The following LRMDA variants were observed in gnomAD, a reference collection of about 807,000 sequenced individuals.
LRMDA encodes the protein leucine-rich melanocyte differentiation-associated protein.
Under a neutral mutation model 29.8 loss-of-function variants are expected in LRMDA, and 18 were observed. The observed-to-expected ratio is 0.60, with a 90% CI of 0.42 to 0.90. The LOEUF (loss-of-function observed/expected upper bound fraction) is 0.90. Among genes scored for constraint, LRMDA ranks in the 40% least tolerant of loss-of-function variants. The pLI is 0.00. For synonymous variants in LRMDA, 125 were observed against 109.4 expected (o/e 1.14, Z -0.89); for missense variants, 273 against 273.9 (o/e 1.00, Z 0.02).
At position 75,431,783 on chromosome 10, in the gene LRMDA, CG is replaced by C; in HGVS notation, c.30+33del. 3.0e-6 allele frequency: 4 copies of C among 1,346,756 alleles called. No homozygotes were observed. In the South Asian group the frequency reaches 5.9e-5, roughly 20 times the overall value. The allele number at this position is 1,346,756 out of a possible 1,614,324, so 83.4% of individuals were successfully genotyped here. A position where few individuals can be genotyped will look rare whatever the true frequency, so the allele number is the denominator to read the frequency against. ...AGTCCCGGCCAGCCCCGCCTCCGCC[CG>C]GGGCGCAGTCCGCGTGGGGAGGGAC... On this transcript the variant is annotated intron_variant, in intron 1 of 6. Transcript: ENST00000611255.
At chr10:75,564,026 C>A in intron 2 of LRMDA, among the ~76,000 whole-genome samples, 1 of 152,202 alleles carries the variant, frequency 6.6e-6, no homozygotes, top group Non-Finnish European at 1.5e-5. Flanking sequence ...CTCAGATCTC[C>A]AGCTGCGTGC....
At chr10:75,857,961 T>C (rs1844855742) in intron 2 of LRMDA, among the ~76,000 whole-genome samples, 1 of 152,242 alleles carries the variant, frequency 6.6e-6, no homozygotes, top group Non-Finnish European at 1.5e-5. Context: ...TGGAGATTAC[T>C]ATTCCTGTTC....
intron 2 of LRMDA, among the ~76,000 whole-genome samples, chr10:75,874,912 C>A (rs1486974946): frequency 6.6e-6 from 1 of 152,234 alleles, no homozygotes; most frequent in African/African-American, 2.4e-5. Flanking sequence ...TCTATCAATT[C>A]AGTTCAGTGA....
At chr10:75,603,206 T>G (rs76262095) in intron 2 of LRMDA, among the ~76,000 whole-genome samples, 4,849 of 152,086 alleles carry the variant, frequency 0.032, 259 homozygotes, top group African/African-American at 0.11. Context: ...AGTCAGTATT[T>G]TATAAAGTGG....
At chr10:75,498,470 G>T (rs750728861) in intron 2 of LRMDA, among the ~76,000 whole-genome samples, 4 of 152,158 alleles carry the variant, frequency 2.6e-5, no homozygotes, top group Non-Finnish European at 4.4e-5. Context: ...ACGAGTGTTT[G>T]CGTGTGCATG....
chr10:75,563,943 G>A (rs1172773185), intron 2 of LRMDA, among the ~76,000 whole-genome samples: 1 of 152,224 alleles, frequency 6.6e-6, no homozygotes, highest in East Asian at 1.9e-4. Context: ...TGCCCCTACT[G>A]GAAGGTGCCT....
intron 2 of LRMDA, among the ~76,000 whole-genome samples, chr10:76,025,506 C>A (rs1848047627): frequency 6.6e-6 from 1 of 151,894 alleles, no homozygotes; most frequent in Non-Finnish European, 1.5e-5. Flanking sequence ...TCTCTGTCTC[C>A]TTCATAGATG....
chr10:75,842,605 A>C lies in LRMDA; in HGVS notation c.132-193403A>C, dbSNP rs1264582725. On this transcript the variant is annotated intron_variant, in intron 2 of 6. Coordinates refer to ENST00000611255, the MANE Select transcript of LRMDA (RefSeq NM_001305581.2). ...AAAAGAGAATTTTAAAAGACAGGAC[A>C]TATCAAAGTGCATTGCATGTGGTAT... 2.0e-5 allele frequency among the ~76,000 whole-genome samples: 3 copies of C among 152,256 alleles called. No homozygotes were observed. The East Asian group carries it at 5.8e-4, about 29-fold the overall frequency.
chr10:75,561,811 G>A (rs1840299757), intron 2 of LRMDA, among the ~76,000 whole-genome samples: 1 of 152,006 alleles, frequency 6.6e-6, no homozygotes, highest in African/African-American at 2.4e-5. Context: ...TCAGGAGCAG[G>A]TTGTTCAGTT....
intron 2 of LRMDA, among the ~76,000 whole-genome samples, chr10:75,572,143 G>A (rs1349795740): frequency 6.6e-6 from 1 of 151,954 alleles, no homozygotes; most frequent in Non-Finnish European, 1.5e-5. Flanking sequence ...TAGTAGAGAC[G>A]GGGTTTCACC....
At chr10:76,504,730 G>A (rs1011285593) in intron 6 of LRMDA, among the ~76,000 whole-genome samples, 4 of 152,074 alleles carry the variant, frequency 2.6e-5, no homozygotes, top group Non-Finnish European at 5.9e-5. Context: ...ATGGCAGAGA[G>A]TTTGATCTTG....
At chr10:76,485,783 C>A (rs1355994671) in intron 6 of LRMDA, among the ~76,000 whole-genome samples, 2 of 151,810 alleles carry the variant, frequency 1.3e-5, no homozygotes, top group Admixed American at 6.6e-5. Context: ...AGAAGTACCT[C>A]TTTTTGCTTG....
At chr10:75,544,572 C>T (rs562478988) in intron 2 of LRMDA, among the ~76,000 whole-genome samples, 1 of 152,234 alleles carries the variant, frequency 6.6e-6, no homozygotes, top group Admixed American at 6.5e-5. Flanking sequence ...TTGCATGATC[C>T]CAGCTGTCAA....
chr10:76,443,983 C>T (rs1842328959), intron 6 of LRMDA, among the ~76,000 whole-genome samples: 1 of 152,074 alleles, frequency 6.6e-6, no homozygotes, highest in African/African-American at 2.4e-5. Flanking sequence ...AAGAAAGCCC[C>T]ATGGAAGGCT....
intron 6 of LRMDA, among the ~76,000 whole-genome samples, chr10:76,503,330 A>T (rs1478247457): frequency 2.0e-5 from 3 of 151,708 alleles, no homozygotes; most frequent in African/African-American, 7.2e-5. Flanking sequence ...ACTGGCGCTG[A>T]CATTGTAGAA....
At chr10:76,263,968 T>C (rs1180410757) in intron 5 of LRMDA, among the ~76,000 whole-genome samples, 2 of 152,206 alleles carry the variant, frequency 1.3e-5, no homozygotes, top group East Asian at 1.9e-4. Context: ...TAGGTAATCT[T>C]GCAAGAGCTG....
chr10:76,426,054 A>G (rs1318770040), intron 6 of LRMDA, among the ~76,000 whole-genome samples: 1 of 152,250 alleles, frequency 6.6e-6, no homozygotes, highest in African/African-American at 2.4e-5. Flanking sequence ...TAGTGCCGCA[A>G]ATAAACATAC....
chr10:75,624,236 A>G (rs1162874983), intron 2 of LRMDA, among the ~76,000 whole-genome samples: 2 of 152,154 alleles, frequency 1.3e-5, no homozygotes, highest in Non-Finnish European at 2.9e-5. Flanking sequence ...GAGAAAGACT[A>G]AGGGAGGGGT....
chr10:75,560,342 A>G (rs999314063), intron 2 of LRMDA, among the ~76,000 whole-genome samples: 31 of 151,368 alleles, frequency 2.0e-4, no homozygotes, highest in South Asian at 4.2e-4. Context: ...TTTGTCTGTT[A>G]TTGGTGTATA....
Sources: gnomAD v4.1 joint callset for allele counts (sites outside exome capture counted in the v4.1 genomes callset) on GRCh38, gnomAD v4.1.1 for gene constraint, MANE v1.5 for transcripts, NCBI Gene and HGNC (gene_info 2026-07-23, HGNC 2026-07-21) for gene names.